Variants in ERBB2 observed in about 807,000 individuals in gnomAD.
ERBB2 encodes the protein receptor tyrosine-protein kinase erbB-2.
Under a neutral mutation model 149.0 loss-of-function variants are expected in ERBB2, and 61 were observed. The observed-to-expected ratio is 0.41, with a 90% CI of 0.33 to 0.51. The LOEUF (loss-of-function observed/expected upper bound fraction) is 0.51, where lower values mean the gene tolerates loss of function less well. Ranked by LOEUF, ERBB2 falls within the 20% of genes least tolerant of loss-of-function variation. ERBB2 has a pLI of 0.25. For missense variants in ERBB2, 1,205 were observed against 1,655.1 expected (o/e 0.73, Z 4.72); for synonymous variants, 633 against 678.8 (o/e 0.93, Z 1.05).
At chr17:39,706,664 T>C (rs2058457615) in intron 1 of ERBB2, 1 of 239,928 alleles carries the variant, frequency 4.2e-6, no homozygotes, top group African/African-American at 2.2e-5. Flanking sequence ...GTTGTGCCTT[T>C]GGGACAAAGG....
rs1480626200 is a variant in ERBB2, at chr17:39,725,215, G to C, written c.2649+11G>C. ...GCAGATGGGGGCAAGGTTAGGTGAA[G>C]GACCAAGGAGCAGAGGAGGCTGGGT... On this transcript the variant is annotated intron_variant, in intron 21 of 26. Coordinates refer to ENST00000269571, the MANE Select transcript of ERBB2 (RefSeq NM_004448.4). This position sits in a 1 kb window ranked among gnomAD's most constrained non-coding sequence, Gnocchi z 4.6. The C allele has an allele frequency of 6.2e-7, 1 of 1,613,964 alleles. No individual in the cohort carries two copies. Among genetic ancestry groups the C allele is most frequent in the East Asian group, 2.2e-5 (1 of 44,882 alleles).
At chr17:39,696,980 C>T (rs370066928), upstream of ERBB2, among the ~76,000 whole-genome samples, 1 of 152,306 alleles carries the variant, frequency 6.6e-6, no homozygotes, top group East Asian at 1.9e-4. Flanking sequence ...GTCAGCGCAT[C>T]CTCTTCCCGC....
At chr17:39,700,352 C>T in intron 1 of ERBB2, 41 bp downstream of exon 1, 2 of 1,285,888 alleles carry the variant, frequency 1.6e-6, no homozygotes, top group Admixed American at 8.1e-5. Context: ...GCGGCGGGAC[C>T]CTGCCCTGTG....
chr17:39,699,857 A>T, upstream of ERBB2: 1 of 588,654 alleles, frequency 1.7e-6, no homozygotes, highest in Non-Finnish European at 2.7e-6. Context: ...CAGGCAACCC[A>T]GGCGTCCCGG....
At chr17:39,702,199 C>G (rs2058150663) in intron 1 of ERBB2, among the ~76,000 whole-genome samples, 1 of 152,200 alleles carries the variant, frequency 6.6e-6, no homozygotes, top group South Asian at 2.1e-4. Flanking sequence ...ACTCCGGAGG[C>G]TGAGGCAGGA....
At chr17:39,722,764 G>A (rs745725585) in intron 16 of ERBB2, among the ~76,000 whole-genome samples, 30 of 151,632 alleles carry the variant, frequency 2.0e-4, no homozygotes, top group Non-Finnish European at 4.3e-4. Context: ...TGCACTGGCC[G>A]TAGTGCAGTG....
At chr17:39,694,267 A>ATATATACACATATATATG (rs1268197240), upstream of ERBB2, among the ~76,000 whole-genome samples, 3 of 25,612 alleles carry the variant, frequency 1.2e-4, no homozygotes, top group Admixed American at 1.0e-3. Context: ...ATATATATAT[A>ATATATACACATATATATG]TGTGTGTATA....
At chr17:39,699,299 A>C (rs941164311), upstream of ERBB2, among the ~76,000 whole-genome samples, 5 of 152,210 alleles carry the variant, frequency 3.3e-5, no homozygotes, top group South Asian at 8.3e-4. Flanking sequence ...GTCTTTACTA[A>C]AAATACAAAA....
upstream of ERBB2, among the ~76,000 whole-genome samples, chr17:39,697,481 C>T (rs576512749): frequency 2.7e-4 from 41 of 151,844 alleles, no homozygotes; most frequent in South Asian, 8.1e-3. Flanking sequence ...TCAGCCTTCC[C>T]GAGTAGCTGG....
rs2145408909 is a variant in ERBB2 at position 39,707,092 on chromosome 17, A to C, written c.176A>C (p.Asn59Thr). ...LYQGCQVVQG[N>T]LELTYLPTNA... Reference sequence around the variant, plus strand: ...CAGGGCTGCCAGGTGGTGCAGGGAAACCTGGAACTCACCTACCTGCCCACC... The same window carrying C: ...CAGGGCTGCCAGGTGGTGCAGGGAACCCTGGAACTCACCTACCTGCCCACC... Residue 59 changes from asparagine to threonine, a missense_variant, in exon 2 of 27, where the codon AAC becomes ACC. Physicochemically the swap from Asn to Thr is moderately conservative, Grantham distance 65. This residue lies in a region of ERBB2 where 101 missense variants were observed against 95.1 expected (regional missense o/e 1.06). Transcript: ENST00000269571. 1 of 1,605,040 alleles carries C rather than the reference A, an allele frequency of 6.2e-7. No individual in the cohort carries two copies.
At chr17:39,700,487 G>A (rs921188000) in intron 1 of ERBB2, among the ~76,000 whole-genome samples, 176 bp downstream of exon 1, 1 of 152,238 alleles carries the variant, frequency 6.6e-6, no homozygotes, top group African/African-American at 2.4e-5. Flanking sequence ...GGCGGGAGGG[G>A]GCAGTTACAC....
rs1350115331 is a variant in ERBB2 at position 39,709,448 on chromosome 17, G to A, written c.570G>A (p.Arg190=). 1.2e-6 allele frequency: 2 copies of A among 1,613,950 alleles called. No homozygotes were observed. The highest frequency in any genetic ancestry group is 1.7e-5 in the Admixed American group (1 of 59,996). ...ALTLIDTNRS[R]ACHPCSPMCK... ...CACTGATAGACACCAACCGCTCTCG[G>A]GCCTGTAAGCCATGCCCCTCCCTGC... Residue 190 remains arginine, a synonymous_variant, in exon 4 of 27, where the codon CGG becomes CGA. Transcript: ENST00000269571.
Position 39,702,997 on chromosome 17 carries a change from C to T in ERBB2, c.73+2686C>T, listed in dbSNP as rs79733357. Among the ~76,000 whole-genome samples, 498 of 152,324 alleles carry T rather than the reference C, an allele frequency of 3.3e-3. 5 individuals carry two copies. The highest frequency in any genetic ancestry group is 0.012 in the African/African-American group (482 of 41,580). On this transcript the variant is annotated intron_variant, in intron 1 of 26. Transcript: ENST00000269571. ...GCAGGTGGCCAGATGGGAGGAGAAGCGCTCCTCTTGTTCAGGCGAATGACC... is the reference window on the plus strand; with the variant it reads ...GCAGGTGGCCAGATGGGAGGAGAAGTGCTCCTCTTGTTCAGGCGAATGACC...
chr17:39,709,995 C>T, intron 5 of ERBB2, 91 bp from the exon 6 acceptor site: 1 of 1,500,374 alleles, frequency 6.7e-7, no homozygotes, highest in Non-Finnish European at 9.2e-7. Flanking sequence ...GATGTCTCCC[C>T]TGGGCCAGGT....
intron 19 of ERBB2, 68 bp downstream of exon 19, chr17:39,724,078 G>GTC (rs751786388): frequency 8.6e-7 from 1 of 1,164,516 alleles, no homozygotes; most frequent in Non-Finnish European, 1.2e-6. Context: ...CTGGGCTCTG[G>GTC]TCTCTCTTCA....
chr17:39,723,290 C>T lies in ERBB2; in HGVS notation c.1947-29C>T. 1 of 1,609,978 alleles carries T rather than the reference C, an allele frequency of 6.2e-7. No homozygotes were observed. Among genetic ancestry groups the T allele is most frequent in the Non-Finnish European group, 8.5e-7 (1 of 1,177,054 alleles). On this transcript the variant is annotated intron_variant, in intron 16 of 26. Coordinates refer to ENST00000269571, the MANE Select transcript of ERBB2 (RefSeq NM_004448.4). This position sits in a 1 kb window ranked among gnomAD's most constrained non-coding sequence, Gnocchi z 6.2. ...GTCCCTCCCACCCCAAACTAGCCCT[C>T]AATCCCTGACCCTGGCTTCCGCCCC...
rs150680317 is a variant in ERBB2 at position 39,727,758 on chromosome 17, G to A, written c.3482G>A (p.Arg1161Gln). Residue 1161 changes from arginine (R) to glutamine (Q), a missense_variant, in exon 27 of 27, where the codon CGA becomes CAA. This residue lies in a region of ERBB2 where 312 missense variants were observed against 343.8 expected (regional missense o/e 0.91). Coordinates refer to ENST00000269571, the MANE Select transcript of ERBB2 (RefSeq NM_004448.4). The surrounding 1 kb of genome is among the most constrained non-coding windows in gnomAD (Gnocchi z 4.3). ...CGAGAGGGCCCTCTGCCTGCTGCCC[G>A]ACCTGCTGGTGCCACTCTGGAAAGG... is the stretch of plus-strand genomic sequence containing the variant. The part of the protein sequence containing the change: ...SPREGPLPAA[R>Q]PAGATLERPK... 4.5e-4 allele frequency: 716 copies of A among 1,602,984 alleles called. 3 individuals are homozygous for A. In the African/African-American group the frequency reaches 7.6e-3, roughly 17 times the overall value.
Position 39,727,176 on chromosome 17 carries a change from G to T in ERBB2, c.3160-119G>T. On this transcript the variant is annotated intron_variant, in intron 25 of 26. Coordinates refer to ENST00000269571, the MANE Select transcript of ERBB2 (RefSeq NM_004448.4). The surrounding 1 kb of genome is among the most constrained non-coding windows in gnomAD (Gnocchi z 4.3). Reference sequence around the variant, plus strand: ...CCTGTGACCCCATTCTCTCCACGGTGACTGTGTCATACCCCAAAGGTGACC... The same window carrying T: ...CCTGTGACCCCATTCTCTCCACGGTTACTGTGTCATACCCCAAAGGTGACC... 5.2e-6 allele frequency: 7 copies of T among 1,340,384 alleles called. No individual in the cohort carries two copies. Among genetic ancestry groups the T allele is most frequent in the South Asian group, 1.3e-5 (1 of 78,418 alleles). The allele number at this position is 1,340,384 out of a possible 1,614,324, so 83.0% of individuals were successfully genotyped here.
chr17:39,710,530 G>A (rs549491415), intron 7 of ERBB2, 49 bp downstream of exon 7: 6 of 1,608,802 alleles, frequency 3.7e-6, no homozygotes, highest in Admixed American at 3.3e-5. Flanking sequence ...GGGGAGGTTT[G>A]TTTCTGTAAA....
Sources: allele counts gnomAD v4.1 joint callset (sites outside exome capture counted in the v4.1 genomes callset), GRCh38; gene constraint gnomAD v4.1.1; regional missense constraint gnomAD v4.1.1; non-coding constraint Gnocchi (gnomAD v3.1); transcripts MANE v1.5; gene names NCBI Gene and HGNC (gene_info 2026-07-23, HGNC 2026-07-21).